PRPSAP2: variants seen among roughly 807,000 people sequenced by gnomAD.
PRPSAP2 encodes the protein phosphoribosyl pyrophosphate synthetase associated protein 2, also known as phosphoribosyl pyrophosphate synthase-associated protein 2.
A neutral mutation model predicts 40.6 loss-of-function variants in PRPSAP2; 24 were observed. That is an observed-to-expected ratio of 0.59 (90% CI 0.43 to 0.83). The LOEUF is 0.83. Among genes scored for constraint, PRPSAP2 ranks in the 40% least tolerant of loss-of-function variants. PRPSAP2 has a pLI of 0.00. For missense variants in PRPSAP2, 292 were observed against 465.6 expected (o/e 0.63, Z 3.43); for synonymous variants, 149 against 164.7 (o/e 0.90, Z 0.73).
At chr17:18,881,015 G>T (rs557740096) in intron 6 of PRPSAP2, among the ~76,000 whole-genome samples, 1 of 151,380 alleles carries the variant, frequency 6.6e-6, no homozygotes, top group East Asian at 2.0e-4. Context: ...TGTATTTTTA[G>T]TAGAGACGGG....
intron 9 of PRPSAP2, chr17:18,917,604 T>A (rs1325264186): frequency 6.2e-4 from 75 of 120,780 alleles, no homozygotes; most frequent in Admixed American, 8.6e-4. Flanking sequence ...TTTTTTTTTT[T>A]TTTTTTTTTT....
intron 8 of PRPSAP2, among the ~76,000 whole-genome samples, chr17:18,891,974 A>T (rs1417849297): frequency 3.3e-5 from 5 of 152,190 alleles, no homozygotes; most frequent in African/African-American, 1.2e-4. Context: ...CTCCTGCCTC[A>T]TCCTCCCAGG....
chr17:18,862,586 C>T (rs2037108240), intron 1 of PRPSAP2, among the ~76,000 whole-genome samples: 1 of 152,084 alleles, frequency 6.6e-6, no homozygotes, highest in Non-Finnish European at 1.5e-5. Flanking sequence ...ATTTTACAGT[C>T]ACCTGTGGGG....
chr17:18,899,551 A>G (rs2040141826), intron 8 of PRPSAP2, among the ~76,000 whole-genome samples: 1 of 92,376 alleles, frequency 1.1e-5, no homozygotes, highest in Non-Finnish European at 2.1e-5. Context: ...TTTTTGAGAC[A>G]GGGTCTCACC....
intron 4 of PRPSAP2, among the ~76,000 whole-genome samples, chr17:18,868,167 A>G (rs190354995): frequency 3.3e-5 from 5 of 152,232 alleles, no homozygotes; most frequent in African/African-American, 1.2e-4. Flanking sequence ...TTCTTTAGCA[A>G]TGGTGGATAT....
chr17:18,884,413 A>G (rs887232646), intron 7 of PRPSAP2, among the ~76,000 whole-genome samples: 1 of 152,094 alleles, frequency 6.6e-6, no homozygotes, highest in Non-Finnish European at 1.5e-5. Flanking sequence ...ATGATAGCTC[A>G]CTGCAACCTT....
intron 8 of PRPSAP2, among the ~76,000 whole-genome samples, chr17:18,906,698 GTGTT>G (rs371523302): frequency 2.6e-4 from 39 of 151,680 alleles, no homozygotes; most frequent in East Asian, 5.8e-4. Context: ...AGTTTTTTGT[GTGTT>G]TGTTTGTTTG....
chr17:18,879,412 G>A (rs1453698455), intron 6 of PRPSAP2, among the ~76,000 whole-genome samples: 1 of 152,102 alleles, frequency 6.6e-6, no homozygotes, highest in Non-Finnish European at 1.5e-5. Flanking sequence ...AGCCCCCAGA[G>A]TAGCTGGGAT....
chr17:18,872,797 G>A (rs2037986366), intron 5 of PRPSAP2, 148 bp downstream of exon 5: 2 of 632,004 alleles, frequency 3.2e-6, no homozygotes, highest in Non-Finnish European at 5.5e-6. Context: ...TAAGTTTTCT[G>A]ACATAACTGC....
chr17:18,912,153 GC>G (rs1474810203), intron 9 of PRPSAP2, among the ~76,000 whole-genome samples: 1 of 150,692 alleles, frequency 6.6e-6, no homozygotes, highest in Non-Finnish European at 1.5e-5. Context: ...TTGCACTCCA[GC>G]CTGGGCAACA....
At chr17:18,858,285 G>T in intron 1 of PRPSAP2, 24 bp downstream of exon 1, 1 of 152,550 alleles carries the variant, frequency 6.6e-6, no homozygotes, top group South Asian at 2.0e-4. Context: ...AGCCAGTGGC[G>T]AGCGGCAGCG....
chr17:18,872,268 G>A (rs1489854612), intron 4 of PRPSAP2, among the ~76,000 whole-genome samples: 3 of 140,910 alleles, frequency 2.1e-5, no homozygotes, highest in African/African-American at 5.3e-5. Flanking sequence ...GCAAGACTCC[G>A]TCTCAAAAAA....
chr17:18,908,866 A>G (rs1199425481), intron 8 of PRPSAP2: 4 of 599,012 alleles, frequency 6.7e-6, no homozygotes, highest in Non-Finnish European at 1.2e-5. Flanking sequence ...GAAGCAATAA[A>G]TCATCTTATT....
intron 8 of PRPSAP2, among the ~76,000 whole-genome samples, chr17:18,909,647 G>A (rs745452633): frequency 3.7e-4 from 56 of 151,788 alleles, no homozygotes; most frequent in Non-Finnish European, 6.6e-4. Flanking sequence ...GGCTGGACAC[G>A]TAATTCCAGC....
chr17:18,921,094 G>A (rs1444261095), intron 9 of PRPSAP2, among the ~76,000 whole-genome samples: 1 of 152,042 alleles, frequency 6.6e-6, no homozygotes, highest in African/African-American at 2.4e-5. Context: ...AGGCTCAAGC[G>A]ATTTGTCCAC....
At chr17:18,862,493 A>G (rs2037101089) in intron 1 of PRPSAP2, among the ~76,000 whole-genome samples, 2 of 151,800 alleles carry the variant, frequency 1.3e-5, no homozygotes, top group African/African-American at 2.4e-5. Flanking sequence ...CTGTACTTAT[A>G]TGGTAGATAA....
Position 18,889,819 on chromosome 17 carries a change from C to G in PRPSAP2, c.529-3C>G, listed in dbSNP as rs370543394. Reference sequence around the variant, plus strand: ...GTAATACCTGACTTCTTGTCTGTCACAGATCCCAGATTACAGGAATGCAGT... The same window carrying G: ...GTAATACCTGACTTCTTGTCTGTCAGAGATCCCAGATTACAGGAATGCAGT... On this transcript the variant is annotated splice_polypyrimidine_tract_variant and splice_region_variant and intron_variant, in intron 7 of 11. Transcript: ENST00000268835. 2.5e-6 allele frequency: 4 copies of G among 1,606,856 alleles called. No homozygotes were observed. The highest frequency in any genetic ancestry group is 3.4e-6 in the Non-Finnish European group (4 of 1,176,468).
At chr17:18,864,714 T>C (rs1470439531) in intron 1 of PRPSAP2, among the ~76,000 whole-genome samples, 1 of 152,148 alleles carries the variant, frequency 6.6e-6, no homozygotes, top group Non-Finnish European at 1.5e-5. Context: ...TTCCCAGAGG[T>C]CCCAGGTGAA....
intron 6 of PRPSAP2, among the ~76,000 whole-genome samples, chr17:18,882,288 G>GA (rs952642540): frequency 2.0e-5 from 3 of 151,162 alleles, no homozygotes; most frequent in Admixed American, 6.6e-5. Flanking sequence ...GAGGCAGGAG[G>GA]ATTACTTGAG....
Sources: gnomAD v4.1 joint callset for allele counts (sites outside exome capture counted in the v4.1 genomes callset) on GRCh38, gnomAD v4.1.1 for gene constraint, MANE v1.5 for transcripts, NCBI Gene and HGNC (gene_info 2026-07-23, HGNC 2026-07-21) for gene names.